The following DMPK variants were observed in gnomAD, a reference collection of about 807,000 sequenced individuals.
DMPK encodes DM1 protein kinase, also known as myotonin-protein kinase.
A neutral mutation model predicts 70.3 loss-of-function variants in DMPK; 32 were observed. That is an observed-to-expected ratio of 0.46 (90% CI 0.34 to 0.61). The LOEUF is 0.61. Ranked by LOEUF, DMPK falls within the 20% of genes least tolerant of loss-of-function variation. The pLI, the probability that DMPK is intolerant of heterozygous loss-of-function variation, is 0.01. For missense variants in DMPK, 899 were observed against 886.0 expected (o/e 1.01, Z -0.19); for synonymous variants, 469 against 390.9 (o/e 1.20, Z -2.36).
At chr19:45,779,667 C>A in intron 2 of DMPK, 111 bp downstream of exon 2, 1 of 1,551,126 alleles carries the variant, frequency 6.4e-7, no homozygotes, top group Non-Finnish European at 8.7e-7. Flanking sequence ...CCGCCTCCAG[C>A]CCAGCCCTAG....
intron 1 of DMPK, among the ~76,000 whole-genome samples, chr19:45,781,310 C>T (rs1273267222): frequency 6.6e-6 from 1 of 152,212 alleles, no homozygotes; most frequent in Non-Finnish European, 1.5e-5. Context: ...AGCCCGAGTC[C>T]TGGGCTTGGG....
Position 45,770,271 on chromosome 19 carries a change from C to A in DMPK, c.*217G>T. On this transcript the variant is annotated 3_prime_UTR_variant, in exon 15 of 15. Transcript: ENST00000291270. ...GCAGCAGCAGCAGCAGCAGCATTCCCGGCTACAAGGACCCTTCGAGCCCCG... is the reference window on the plus strand; with the variant it reads ...GCAGCAGCAGCAGCAGCAGCATTCCAGGCTACAAGGACCCTTCGAGCCCCG... The A allele has an allele frequency of 1.4e-6, 1 of 725,294 alleles. No individual in the cohort carries two copies. The allele number at this position is 725,294 out of a possible 1,614,324, so 44.9% of individuals were successfully genotyped here.
chr19:45,777,879 C>G lies in DMPK; in HGVS notation c.676-6G>C. On this transcript the variant is annotated splice_polypyrimidine_tract_variant and splice_region_variant and intron_variant, in intron 6 of 14. Transcript: ENST00000291270. This position sits in a 1 kb window ranked among gnomAD's most constrained non-coding sequence, Gnocchi z 6.7. ...ACAGCCACCAGCGACCGCACCTGGACCAAAAGGAGCAGAGCGAGGCTTGGG... is the reference window on the plus strand; with the variant it reads ...ACAGCCACCAGCGACCGCACCTGGAGCAAAAGGAGCAGAGCGAGGCTTGGG... 1 of 1,604,382 alleles carries G rather than the reference C, an allele frequency of 6.2e-7. No homozygotes were observed. Among genetic ancestry groups the G allele is most frequent in the Non-Finnish European group, 8.5e-7 (1 of 1,177,820 alleles).
rs759063685 is a variant in DMPK, at chr19:45,771,676, G to A, written c.1503-11C>T. ...GCCTCGCGTAGTTGACTGTGGGGAGGTAAGGACGGTGAGTCCGTCCGGGCC... is the reference window on the plus strand; with the variant it reads ...GCCTCGCGTAGTTGACTGTGGGGAGATAAGGACGGTGAGTCCGTCCGGGCC... On this transcript the variant is annotated splice_polypyrimidine_tract_variant and intron_variant, in intron 11 of 14. Coordinates refer to ENST00000291270, the MANE Select transcript of DMPK (RefSeq NM_004409.5). The A allele has an allele frequency of 1.9e-6, 3 of 1,613,800 alleles. No individual in the cohort carries two copies. Among genetic ancestry groups the A allele is most frequent in the East Asian group, 4.5e-5 (2 of 44,874 alleles).
At chr19:45,781,669 G>GT (rs1457014115) in intron 1 of DMPK, among the ~76,000 whole-genome samples, 2 of 152,202 alleles carry the variant, frequency 1.3e-5, no homozygotes, top group Admixed American at 1.3e-4. Context: ...CAGGGCCCGC[G>GT]TGAGTCACCG....
chr19:45,772,897 G>A, intron 9 of DMPK, 145 bp from the exon 10 acceptor site: 1 of 496,902 alleles, frequency 2.0e-6, no homozygotes, highest in African/African-American at 2.0e-5. Flanking sequence ...AGAGAACAGA[G>A]TCCCAGGTAG....
In DMPK at chr19:45,771,356, A is replaced by AGGT. The variant is rs1969426638; in HGVS notation, c.1638_1640dup (p.Pro547dup). On this transcript the variant is annotated inframe_insertion, in exon 13 of 15. Coordinates refer to ENST00000291270, the MANE Select transcript of DMPK (RefSeq NM_004409.5). The stretch of plus-strand genomic sequence containing the variant: ...GGAAAGAGAGGGGTCTTACATGGGA[A>AGGT]GGTGGATCCGTGGCCCGGGGACTGG... The AGGT allele has an allele frequency of 2.5e-6, 4 of 1,598,546 alleles. No individual in the cohort carries two copies. Among genetic ancestry groups the AGGT allele is most frequent in the Non-Finnish European group, 2.6e-6 (3 of 1,174,918 alleles).
At chr19:45,770,949 G>A (rs896172855) in intron 14 of DMPK, 22 bp downstream of exon 14, 2 of 1,408,672 alleles carry the variant, frequency 1.4e-6, no homozygotes, top group Non-Finnish European at 1.8e-6. Flanking sequence ...CGGCGGAGGG[G>A]GGCGTGGGCA....
At chr19:45,779,036 A>G (rs898498194) in intron 4 of DMPK, 1 of 599,936 alleles carries the variant, frequency 1.7e-6, no homozygotes, top group Non-Finnish European at 3.0e-6. Context: ...AGACATCTTT[A>G]TAAGAGTCCC....
chr19:45,777,775 C>T lies in DMPK; in HGVS notation c.774G>A (p.Glu258=). 1.2e-6 allele frequency: 2 copies of T among 1,613,128 alleles called. No homozygotes were observed. The highest frequency in any genetic ancestry group is 1.7e-6 in the Non-Finnish European group (2 of 1,180,020). Residue 258 remains glutamate, a synonymous_variant, in exon 7 of 15, where the codon GAG becomes GAA. Coordinates refer to ENST00000291270, the MANE Select transcript of DMPK (RefSeq NM_004409.5). This position sits in a 1 kb window ranked among gnomAD's most constrained non-coding sequence, Gnocchi z 6.7. The part of the protein sequence containing the change: ...GGPGTGSYGP[E]CDWWALGVFA... ...ATACACCCAGCGCCCACCAGTCACA[C>T]TCGGGCCCGTAGCTGCCTGTCCCAG...
At position 45,777,216 on chromosome 19, in the gene DMPK, C is replaced by G. The variant is rs561593638; in HGVS notation, c.1146+111G>C. 1.2e-4 allele frequency: 167 copies of G among 1,403,184 alleles called. 1 individual carries two copies. In the East Asian group the frequency reaches 3.2e-3, roughly 27 times the overall value. The allele number at this position is 1,403,184 out of a possible 1,614,324, so 86.9% of individuals were successfully genotyped here. On this transcript the variant is annotated intron_variant, in intron 8 of 14. Transcript: ENST00000291270. The surrounding 1 kb of genome is among the most constrained non-coding windows in gnomAD (Gnocchi z 6.7). Reference sequence around the variant, plus strand: ...AGTAGATGGGCACAGAGCAGGTGCTCTGGGGAATGAGTGATTCAGGACCCC... The same window carrying G: ...AGTAGATGGGCACAGAGCAGGTGCTGTGGGGAATGAGTGATTCAGGACCCC...
chr19:45,770,474 G>A lies in DMPK; in HGVS notation c.*14C>T, dbSNP rs1969317284. The A allele has an allele frequency of 1.9e-6, 3 of 1,550,006 alleles. No homozygotes were observed. The highest frequency in any genetic ancestry group is 1.2e-5 in the South Asian group (1 of 84,024). ...CTTCCAACGGGGCCCCGGAGTCGAA[G>A]ACAGTTCTAGGGTTCAGGGAGCGCG... On this transcript the variant is annotated 3_prime_UTR_variant, in exon 15 of 15. Coordinates refer to ENST00000291270, the MANE Select transcript of DMPK (RefSeq NM_004409.5).
chr19:45,770,747 C>T (rs1969352770), intron 14 of DMPK, 107 bp from the exon 15 acceptor site: 1 of 1,320,616 alleles, frequency 7.6e-7, no homozygotes, highest in Non-Finnish European at 1.0e-6. Context: ...CTGCGCCCCG[C>T]CCCCGCCCCA....
chr19:45,779,339 C>T lies in DMPK; in HGVS notation c.357G>A (p.Glu119=), dbSNP rs1247443414. 6.2e-7 allele frequency: 1 copy of T among 1,614,144 alleles called. No homozygotes were observed. The highest frequency in any genetic ancestry group is 8.5e-7 in the Non-Finnish European group (1 of 1,180,038). Residue 119 remains glutamate (E), a synonymous_variant, in exon 4 of 15, where the codon GAG becomes GAA. Transcript: ENST00000291270. ...GGTCCCCATTCACCAACACGTCCCTCTCCTCACGGAAGCACGACACCTGCA... is the reference window on the plus strand; with the variant it reads ...GGTCCCCATTCACCAACACGTCCCTTTCCTCACGGAAGCACGACACCTGCA... ...KRGEVSCFRE[E]RDVLVNGDRR...
chr19:45,780,338 C>T (rs962115836), intron 1 of DMPK: 43 of 1,541,714 alleles, frequency 2.8e-5, no homozygotes, highest in Non-Finnish European at 3.7e-5. Context: ...GATTCAGATG[C>T]AGGTGGTTCT....
In DMPK at chr19:45,779,517, C is replaced by T. The variant is rs933249305; in HGVS notation, c.258G>A (p.Ala86=). 8 of 1,613,920 alleles carry T rather than the reference C, an allele frequency of 5.0e-6. No homozygotes were observed. The highest frequency in any genetic ancestry group is 6.8e-6 in the Non-Finnish European group (8 of 1,180,018). The change falls in exon 3 of 15, where the codon GCG becomes GCA. Residue 86 remains alanine, a synonymous_variant. Transcript: ENST00000291270. ...VIGRGAFSEV[A]VVKMKQTGQV... Reference sequence around the variant, plus strand: ...GGCCCGTCTGCTTCATCTTCACTACCGCTACCTGAGGTCGAGATAGTGAGA... The same window carrying T: ...GGCCCGTCTGCTTCATCTTCACTACTGCTACCTGAGGTCGAGATAGTGAGA...
intron 1 of DMPK, chr19:45,780,110 G>A: frequency 6.8e-7 from 1 of 1,462,080 alleles, no homozygotes; most frequent in Non-Finnish European, 9.0e-7. Flanking sequence ...TTGGCCCAGA[G>A]GGCTCCAAGG....
intron 4 of DMPK, chr19:45,779,009 G>C: frequency 5.1e-6 from 3 of 588,212 alleles, no homozygotes; most frequent in South Asian, 4.1e-5. Context: ...TTCCAGGTAA[G>C]AGACCCCCCG....
rs752743750 is a variant in DMPK at position 45,777,640 on chromosome 19, G to A, written c.882+27C>T. The A allele has an allele frequency of 6.2e-7, 1 of 1,613,678 alleles. No homozygotes were observed. The highest frequency in any genetic ancestry group is 1.7e-5 in the Admixed American group (1 of 60,018). On this transcript the variant is annotated intron_variant, in intron 7 of 14. Transcript: ENST00000291270. This position sits in a 1 kb window ranked among gnomAD's most constrained non-coding sequence, Gnocchi z 6.7. ...AGCCTGGGAGCGCCTACCGGGAGAG[G>A]CCAGGTCTCCCTGCGGCCGTGCTCA...
Sources: gnomAD v4.1 joint callset for allele counts (sites outside exome capture counted in the v4.1 genomes callset) on GRCh38, gnomAD v4.1.1 for gene constraint, Gnocchi (gnomAD v3.1) non-coding constraint, MANE v1.5 for transcripts, NCBI Gene and HGNC (gene_info 2026-07-23, HGNC 2026-07-21) for gene names.